Variants in PCCA observed in about 807,000 individuals in gnomAD.
PCCA encodes propionyl-CoA carboxylase alpha chain, mitochondrial.
In PCCA, 74 loss-of-function variants were observed where a neutral mutation model predicts 101.3. That is an observed-to-expected ratio of 0.73 (90% CI 0.61 to 0.89). The LOEUF is 0.89. Among genes scored for constraint, PCCA ranks in the 40% least tolerant of loss-of-function variants. The probability of loss-of-function intolerance (pLI) is 0.00; values close to 1 mark genes in which losing one functional copy is unlikely to be tolerated. For missense variants in PCCA, 891 were observed against 907.0 expected, an observed-to-expected ratio of 0.98 and a Z score of 0.23; for synonymous variants, 294 against 313.6, an observed-to-expected ratio of 0.94 and a Z score of 0.66.
Position 100,394,965 on chromosome 13 carries a change from A to G in PCCA, c.1746+26391A>G, listed in dbSNP as rs2076975220. Among the ~76,000 whole-genome samples the G allele has an allele frequency of 6.6e-6, 1 of 152,036 alleles. No homozygotes were observed. The highest frequency in any genetic ancestry group is 1.5e-5 in the Non-Finnish European group (1 of 68,016). ...TCTAATTACATTTCAGGGGGTTGTGATCTCTCCCAGAATCCCGTTCATGCA... is the reference window on the plus strand; with the variant it reads ...TCTAATTACATTTCAGGGGGTTGTGGTCTCTCCCAGAATCCCGTTCATGCA... On this transcript the variant is annotated intron_variant, in intron 19 of 23. Coordinates refer to ENST00000376285, the MANE Select transcript of PCCA (RefSeq NM_000282.4). The surrounding 1 kb of genome is among the most constrained non-coding windows in gnomAD (Gnocchi z 4.3).
At chr13:100,295,613 G>A (rs1433254996) in intron 12 of PCCA, among the ~76,000 whole-genome samples, 4 of 152,208 alleles carry the variant, frequency 2.6e-5, no homozygotes. Context: ...TATTGAAGAA[G>A]TTTGTGCATG....
At chr13:100,159,950 G>A (rs2054279327) in intron 6 of PCCA, among the ~76,000 whole-genome samples, 1 of 152,162 alleles carries the variant, frequency 6.6e-6, no homozygotes. Flanking sequence ...TTTTGTTTCA[G>A]TTTGATTGGA....
intron 1 of PCCA, among the ~76,000 whole-genome samples, chr13:100,097,065 T>C (rs2046836664): frequency 6.6e-6 from 1 of 152,154 alleles, no homozygotes; most frequent in Admixed American, 6.5e-5. Flanking sequence ...CAATAATTAA[T>C]TGGACCTGAA....
chr13:100,108,251 CATT>C (rs1319319535), intron 2 of PCCA, among the ~76,000 whole-genome samples: 6 of 152,156 alleles, frequency 3.9e-5, no homozygotes, highest in Non-Finnish European at 8.8e-5. Context: ...CTTCAGATGA[CATT>C]ATTAGTACAG....
chr13:100,286,439 T>G (rs981243176), intron 12 of PCCA, among the ~76,000 whole-genome samples: 2 of 152,146 alleles, frequency 1.3e-5, no homozygotes, highest in Admixed American at 1.3e-4. Context: ...GGTGAGTGCT[T>G]TGGCGGGAGT....
chr13:100,159,467 G>A (rs529282883), intron 6 of PCCA, among the ~76,000 whole-genome samples: 18 of 152,194 alleles, frequency 1.2e-4, no homozygotes, highest in East Asian at 3.9e-4. Context: ...TGGTTCCCGC[G>A]CAGAATGCTG....
chr13:100,320,274 G>C (rs1218625062), intron 16 of PCCA, among the ~76,000 whole-genome samples: 2 of 152,260 alleles, frequency 1.3e-5, no homozygotes, highest in Non-Finnish European at 2.9e-5. Context: ...CTGCAAACAG[G>C]GACAATTTGA....
intron 21 of PCCA, among the ~76,000 whole-genome samples, chr13:100,504,314 C>T (rs753988123): frequency 1.3e-5 from 2 of 152,112 alleles, no homozygotes; most frequent in African/African-American, 4.8e-5. Context: ...CGTTCCAAGT[C>T]GGGAGAATGT....
At chr13:100,136,813 T>G (rs1184690366) in intron 4 of PCCA, among the ~76,000 whole-genome samples, 2 of 152,008 alleles carry the variant, frequency 1.3e-5, no homozygotes, top group Non-Finnish European at 2.9e-5. Context: ...TTTTAGAGAT[T>G]TATCAGTTTT....
At chr13:100,309,180 A>G (rs1053884632) in intron 15 of PCCA, among the ~76,000 whole-genome samples, 2 of 152,200 alleles carry the variant, frequency 1.3e-5, no homozygotes, top group African/African-American at 2.4e-5. Context: ...GGATCACCTA[A>G]GGTCAGGAGT....
At chr13:100,451,734 C>CTCT in intron 21 of PCCA, among the ~76,000 whole-genome samples, 1 of 110,280 alleles carries the variant, frequency 9.1e-6, no homozygotes, top group East Asian at 3.2e-4. Flanking sequence ...CTCTCTCTCT[C>CTCT]TCTCTTCTCT....
chr13:100,229,748 C>T (rs7325806), intron 7 of PCCA, among the ~76,000 whole-genome samples: 4,541 of 152,324 alleles, frequency 0.03, 221 homozygotes, highest in African/African-American at 0.1. Flanking sequence ...ATGACCCTGT[C>T]TCCTTTGTTC....
chr13:100,315,363 A>T (rs1447128849), intron 16 of PCCA, among the ~76,000 whole-genome samples: 2 of 152,204 alleles, frequency 1.3e-5, no homozygotes, highest in African/African-American at 4.8e-5. Context: ...ATATTTAAAG[A>T]ATAAAAGCAG....
chr13:100,099,408 C>T (rs1050746446), intron 1 of PCCA, among the ~76,000 whole-genome samples: 5 of 150,596 alleles, frequency 3.3e-5, no homozygotes, highest in South Asian at 4.2e-4. Flanking sequence ...ACCTCTGCCT[C>T]CCGGGTTCAC....
intron 8 of PCCA, among the ~76,000 whole-genome samples, chr13:100,241,956 G>A (rs547516259): frequency 6.6e-6 from 1 of 152,264 alleles, no homozygotes; most frequent in South Asian, 2.1e-4. Flanking sequence ...GGAGATACTA[G>A]CAAATTATTT....
intron 12 of PCCA, chr13:100,293,101 A>C (rs139644730): frequency 7.2e-4 from 277 of 382,786 alleles, no homozygotes; most frequent in African/African-American, 5.4e-3. Flanking sequence ...TAAAATCTTA[A>C]TAAGTAAGTA....
intron 18 of PCCA, among the ~76,000 whole-genome samples, chr13:100,345,656 G>A (rs1287626615): frequency 1.3e-5 from 2 of 152,208 alleles, no homozygotes; most frequent in African/African-American, 4.8e-5. Context: ...ACACTGAACA[G>A]CAGATTTTCA....
chr13:100,401,748 T>A (rs1235556048), intron 19 of PCCA, among the ~76,000 whole-genome samples: 1 of 152,172 alleles, frequency 6.6e-6, no homozygotes, highest in African/African-American at 2.4e-5. Context: ...ATGCTGTTTT[T>A]CAAGACTCCT....
chr13:100,257,362 T>C (rs930580174), intron 8 of PCCA, among the ~76,000 whole-genome samples: 2 of 117,256 alleles, frequency 1.7e-5, no homozygotes, highest in African/African-American at 3.0e-5. Context: ...GAAAGTGTTA[T>C]GTTTATTGGT....
Sources: allele counts gnomAD v4.1 joint callset (sites outside exome capture counted in the v4.1 genomes callset), GRCh38; gene constraint gnomAD v4.1.1; non-coding constraint Gnocchi (gnomAD v3.1); transcripts MANE v1.5; gene names NCBI Gene and HGNC (gene_info 2026-07-23, HGNC 2026-07-21).